The following NR1I3 variants were observed in gnomAD, a reference collection of about 807,000 sequenced individuals.
NR1I3 encodes nuclear receptor subfamily 1 group I member 3, also known as constitutive activator of retinoid response.
Under a neutral mutation model 38.4 loss-of-function variants are expected in NR1I3, and 30 were observed. The observed-to-expected ratio is 0.78, with a 90% CI of 0.58 to 1.06. The LOEUF is 1.06. Ranked by LOEUF, NR1I3 falls within the 50% of genes least tolerant of loss-of-function variation. The probability of loss-of-function intolerance (pLI) is 0.00; values close to 1 mark genes in which losing one functional copy is unlikely to be tolerated. For synonymous variants in NR1I3, 143 were observed against 165.1 expected (o/e 0.87, Z 1.03); for missense variants, 388 against 435.7 (o/e 0.89, Z 0.97).
intron 7 of NR1I3, 59 bp from the exon 8 acceptor site, chr1:161,230,977 C>T: frequency 6.2e-7 from 1 of 1,612,542 alleles, no homozygotes; most frequent in Non-Finnish European, 8.5e-7. Flanking sequence ...CTGCGTGGTG[C>T]CCCGGGGACT....
chr1:161,237,289 T>G (rs887212866), intron 1 of NR1I3, among the ~76,000 whole-genome samples: 5 of 147,850 alleles, frequency 3.4e-5, no homozygotes, highest in African/African-American at 1.3e-4. Flanking sequence ...CGCTACAACC[T>G]CCGCCTCCCA....
intron 3 of NR1I3, among the ~76,000 whole-genome samples, chr1:161,234,845 C>A (rs563941654): frequency 2.4e-4 from 36 of 152,288 alleles, no homozygotes; most frequent in African/African-American, 8.2e-4. Flanking sequence ...AGGTGACAGG[C>A]ACTATACTCA....
At chr1:161,236,000 T>A in intron 2 of NR1I3, 23 bp from the exon 3 acceptor site, 2 of 1,566,998 alleles carry the variant, frequency 1.3e-6, no homozygotes, top group Non-Finnish European at 1.7e-6. Context: ...GAGATGTTGT[T>A]AGAGTCTGGG....
chr1:161,231,040 G>C (rs766531510), intron 7 of NR1I3, 77 bp downstream of exon 7: 1 of 1,613,374 alleles, frequency 6.2e-7, no homozygotes, highest in Non-Finnish European at 8.5e-7. Context: ...AGAAGGCCTG[G>C]GTGGATGGAC....
intron 1 of NR1I3, among the ~76,000 whole-genome samples, chr1:161,237,351 C>T (rs1668801329): frequency 6.6e-6 from 1 of 151,600 alleles, no homozygotes. Flanking sequence ...GATTAAGGTG[C>T]CCGCCACCAT....
Position 161,231,345 on chromosome 1 carries a change from A to C in NR1I3, c.678T>G (p.Ile226Met), listed in dbSNP as rs1415367844. The change falls in exon 6 of 9, where the codon ATT (isoleucine) becomes ATG (methionine). Residue 226 changes from isoleucine to methionine, a missense_variant. Ile to Met is a conservative substitution (Grantham distance 10). Coordinates refer to ENST00000367983, the MANE Select transcript of NR1I3 (RefSeq NM_005122.5). ...CCATCTCACCACGGGCTCCATCTTC[A>C]ATTGTGTAGCGAAGAGGCCCGCAGA... ...NFLCGPLRYT[I>M]EDGARVGFQV... 1 of 1,578,376 alleles carries C rather than the reference A, an allele frequency of 6.3e-7. No individual in the cohort carries two copies. Among genetic ancestry groups the C allele is most frequent in the South Asian group, 1.2e-5 (1 of 86,588 alleles).
At chr1:161,235,797 C>A in intron 3 of NR1I3, 50 bp downstream of exon 3, 1 of 1,611,614 alleles carries the variant, frequency 6.2e-7, no homozygotes, top group Non-Finnish European at 8.5e-7. Context: ...GGAACAAGGA[C>A]AAAGACAGAC....
chr1:161,231,211 CA>C lies in NR1I3; in HGVS notation c.716del (p.Leu239TrpfsTer52). 1.2e-6 allele frequency: 2 copies of C among 1,614,110 alleles called. No homozygotes were observed. Among genetic ancestry groups the C allele is most frequent in the Non-Finnish European group, 1.7e-6 (2 of 1,180,034 alleles). On this transcript the variant is annotated frameshift_variant, in exon 7 of 9. Transcript: ENST00000367983. LOFTEE classifies it high-confidence loss of function. ...GARVGFQVEF[L>X]ELLFHFHGTL... ...TTCCATGGAAGTGAAAGAGCAACTC[CA>C]AAAACTCTACCTGGAACCCCACTGT...
Position 161,231,212 on chromosome 1 carries a change from A to C in NR1I3, c.716T>G (p.Leu239Trp). 6.2e-7 allele frequency: 1 copy of C among 1,614,138 alleles called. No homozygotes were observed. Among genetic ancestry groups the C allele is most frequent in the Non-Finnish European group, 8.5e-7 (1 of 1,180,022 alleles). Residue 239 changes from leucine to tryptophan, a missense_variant, in exon 7 of 9, where the codon TTG becomes TGG. Coordinates refer to ENST00000367983, the MANE Select transcript of NR1I3 (RefSeq NM_005122.5). ...TCCATGGAAGTGAAAGAGCAACTCC[A>C]AAAACTCTACCTGGAACCCCACTGT... ...GARVGFQVEF[L>W]ELLFHFHGTL...
Position 161,235,792 on chromosome 1 carries a change from A to G in NR1I3, c.238+55T>C, listed in dbSNP as rs1571746159. ...ATGTAGAGAATGCACTGTTGGGAAC[A>G]AGGACAAAGACAGACGCAGTCAATG... is the stretch of plus-strand genomic sequence containing the variant. On this transcript the variant is annotated intron_variant, in intron 3 of 8. Coordinates refer to ENST00000367983, the MANE Select transcript of NR1I3 (RefSeq NM_005122.5). 4.3e-6 allele frequency: 7 copies of G among 1,610,680 alleles called. No individual in the cohort carries two copies. The East Asian group carries it at 1.3e-4, about 31-fold the overall frequency.
chr1:161,236,273 C>A, intron 2 of NR1I3, 186 bp downstream of exon 2: 1 of 722,862 alleles, frequency 1.4e-6, no homozygotes, highest in Non-Finnish European at 2.2e-6. Flanking sequence ...AGCTTTCCCT[C>A]TGTTATGCCA....
Position 161,231,151 on chromosome 1 carries a change from A to G in NR1I3, c.777T>C (p.Tyr259=). The G allele has an allele frequency of 6.2e-7, 1 of 1,614,146 alleles. No homozygotes were observed. The highest frequency in any genetic ancestry group is 8.5e-7 in the Non-Finnish European group (1 of 1,180,012). The part of the protein sequence containing the change: ...LRKLQLQEPE[Y]VLLAAMALFS... ...AGAGGGCCATGGCAGCCAAGAGCAC[A>G]TACTCAGGCTCTTGGAGCTGCAGTT... Residue 259 remains tyrosine, a synonymous_variant, in exon 7 of 9, where the codon TAT becomes TAC. Coordinates refer to ENST00000367983, the MANE Select transcript of NR1I3 (RefSeq NM_005122.5).
At chr1:161,232,993 CCTT>C in intron 4 of NR1I3, 47 bp from the exon 5 acceptor site, 1 of 1,607,026 alleles carries the variant, frequency 6.2e-7, no homozygotes, top group Non-Finnish European at 8.5e-7. Flanking sequence ...CTAGGGCCCT[CCTT>C]TAGGCCTCGC....
rs761931435 is a variant in NR1I3 at position 161,231,004 on chromosome 1, T to C, written c.812-86A>G. 46 of 1,612,710 alleles carry C rather than the reference T, an allele frequency of 2.9e-5. No homozygotes were observed. The South Asian group carries it at 4.9e-4, about 17-fold the overall frequency. The stretch of plus-strand genomic sequence containing the variant: ...CCGGGGACTGAGGCTGGGATAGACC[T>C]AGTCTGCAGGTTTGATAGCTAGGCT... On this transcript the variant is annotated intron_variant, in intron 7 of 8. Transcript: ENST00000367983.
Position 161,230,015 on chromosome 1 carries a change from A to G in NR1I3, c.918-89T>C, listed in dbSNP as rs34859188. 3,380 of 1,491,242 alleles carry G rather than the reference A, an allele frequency of 2.3e-3. 42 individuals carry two copies. In the African/African-American group the frequency reaches 0.032, roughly 14 times the overall value. The allele number at this position is 1,491,242 out of a possible 1,614,324, so 92.4% of individuals were successfully genotyped here. ...TCTCTAGGCCCTGATCCCCTGAACTATTCCTCAGTGAAGCCAGGTCTGAAC... is the reference window on the plus strand; with the variant it reads ...TCTCTAGGCCCTGATCCCCTGAACTGTTCCTCAGTGAAGCCAGGTCTGAAC... On this transcript the variant is annotated intron_variant, in intron 8 of 8. Coordinates refer to ENST00000367983, the MANE Select transcript of NR1I3 (RefSeq NM_005122.5).
chr1:161,230,134 C>T (rs1666810959), intron 8 of NR1I3: 2 of 579,288 alleles, frequency 3.5e-6, no homozygotes, highest in Non-Finnish European at 6.0e-6. Flanking sequence ...TCTCACCATG[C>T]TCAGTTTTTT....
Position 161,233,174 on chromosome 1 carries a change from A to T in NR1I3, c.403T>A (p.Phe135Ile). 1 of 1,613,950 alleles carries T rather than the reference A, an allele frequency of 6.2e-7. No individual in the cohort carries two copies. Among genetic ancestry groups the T allele is most frequent in the Non-Finnish European group, 8.5e-7 (1 of 1,179,866 alleles). The change falls in exon 4 of 9, where the codon TTT becomes ATT. Residue 135 changes from phenylalanine to isoleucine, a missense_variant. Physicochemically the swap from Phe to Ile is conservative, Grantham distance 21 (BLOSUM62 0). Transcript: ENST00000367983. ...CAAATCCTGTCGGTGCTCACCCTAAACTGCACAAACTGTTCAAACATGGTG... is the reference window on the plus strand; with the variant it reads ...CAAATCCTGTCGGTGCTCACCCTAATCTGCACAAACTGTTCAAACATGGTG... Reference protein sequence around the residue: ...MGTMFEQFVQFRPPAHLFIHH... With the variant: ...MGTMFEQFVQIRPPAHLFIHH...
Position 161,231,236 on chromosome 1 carries a change from G to A in NR1I3, c.695-3C>T. 1 of 1,614,130 alleles carries A rather than the reference G, an allele frequency of 6.2e-7. No homozygotes were observed. Among genetic ancestry groups the A allele is most frequent in the Non-Finnish European group, 8.5e-7 (1 of 1,180,026 alleles). On this transcript the variant is annotated splice_polypyrimidine_tract_variant and splice_region_variant and intron_variant, in intron 6 of 8. Coordinates refer to ENST00000367983, the MANE Select transcript of NR1I3 (RefSeq NM_005122.5). ...CAAAAACTCTACCTGGAACCCCACT[G>A]TGGGAGATACTAGGATTAGGAGCCT...
In NR1I3 at chr1:161,238,105, A is replaced by G; in HGVS notation, c.-98T>C. On this transcript the variant is annotated 5_prime_UTR_variant, in exon 1 of 9. Transcript: ENST00000367983. ...ATCTGGTATGGAATGCCTCTCCCCA[A>G]ACTCCCACGCTGTTGCTGGTTTTCC... 5.6e-6 allele frequency: 9 copies of G among 1,612,402 alleles called. No individual in the cohort carries two copies. The highest frequency in any genetic ancestry group is 7.6e-6 in the Non-Finnish European group (9 of 1,178,610).
Sources: gnomAD v4.1 joint callset for allele counts (sites outside exome capture counted in the v4.1 genomes callset) on GRCh38, gnomAD v4.1.1 for gene constraint, MANE v1.5 for transcripts, NCBI Gene and HGNC (gene_info 2026-07-23, HGNC 2026-07-21) for gene names.